The following AGBL4 variants were observed in gnomAD, a reference collection of about 807,000 sequenced individuals.
AGBL4 encodes AGBL carboxypeptidase 4.
A neutral mutation model predicts 66.4 loss-of-function variants in AGBL4; 58 were observed. That is an observed-to-expected ratio of 0.87 (90% confidence interval 0.71 to 1.09). AGBL4 has a LOEUF of 1.09. Ranked by LOEUF, AGBL4 falls within the 50% of genes least tolerant of loss-of-function variation. The pLI, the probability that AGBL4 is intolerant of heterozygous loss-of-function variation, is 0.00. For synonymous variants in AGBL4, 234 were observed against 222.9 expected, an observed-to-expected ratio of 1.05 and a Z score of -0.44; for missense variants, 579 against 631.0, an observed-to-expected ratio of 0.92 and a Z score of 0.88.
chr1:48,538,811 CAAGGTCATGGCA>C (rs1296661257), intron 12 of AGBL4, among the ~76,000 whole-genome samples: 1 of 152,202 alleles, frequency 6.6e-6, no homozygotes, highest in Non-Finnish European at 1.5e-5. Context: ...CATACATGAG[CAAGGTCATGGCA>C]AAGGTCAGTG....
intron 3 of AGBL4, chr1:49,527,585 T>C (rs571453612): frequency 6.5e-6 from 1 of 152,922 alleles, no homozygotes; most frequent in Non-Finnish European, 1.5e-5. Context: ...AGTTTTCACT[T>C]CAGTTATCAA....
chr1:49,401,505 C>T (rs531202100), intron 3 of AGBL4, among the ~76,000 whole-genome samples: 9 of 152,204 alleles, frequency 5.9e-5, no homozygotes, highest in South Asian at 4.2e-4. Flanking sequence ...TGTATACCTG[C>T]GATAATTCCT....
At chr1:49,410,737 T>C (rs1298786035) in intron 3 of AGBL4, among the ~76,000 whole-genome samples, 1 of 152,176 alleles carries the variant, frequency 6.6e-6, no homozygotes, top group Non-Finnish European at 1.5e-5. Context: ...CATTTGTCTA[T>C]GTATAAAATG....
intron 1 of AGBL4, among the ~76,000 whole-genome samples, chr1:50,010,991 T>C (rs1661488908): frequency 6.6e-6 from 1 of 152,056 alleles, no homozygotes; most frequent in East Asian, 1.9e-4. Context: ...TTAAAAAGCA[T>C]CTGCAAAGCA....
At position 49,240,753 on chromosome 1, in the gene AGBL4, C is replaced by T. The variant is rs138087447; in HGVS notation, c.377+5017G>A. Among the ~76,000 whole-genome samples, 68 of 151,966 alleles carry T rather than the reference C, an allele frequency of 4.5e-4. 1 individual carries two copies. The highest frequency in any genetic ancestry group is 1.4e-3 in the African/African-American group (60 of 41,474). ...TAGACTGATGACACCTTAATCCGTA[C>T]TTCCATATTCCTCTCTTGAGTCTCT... On this transcript the variant is annotated intron_variant, in intron 4 of 13. Coordinates refer to ENST00000371839, the MANE Select transcript of AGBL4 (RefSeq NM_032785.4).
chr1:49,822,893 G>C (rs1196091625), intron 2 of AGBL4, among the ~76,000 whole-genome samples: 1 of 152,074 alleles, frequency 6.6e-6, no homozygotes, highest in African/African-American at 2.4e-5. Context: ...GTCCATTTGT[G>C]TCCATATGAC....
chr1:49,585,654 C>T (rs1644634228), intron 3 of AGBL4, among the ~76,000 whole-genome samples: 2 of 152,100 alleles, frequency 1.3e-5, no homozygotes, highest in African/African-American at 4.8e-5. Flanking sequence ...GATGACACAG[C>T]TAAGTCATGT....
At chr1:48,967,260 C>A (rs983505923) in intron 5 of AGBL4, among the ~76,000 whole-genome samples, 3 of 110,764 alleles carry the variant, frequency 2.7e-5, no homozygotes, top group African/African-American at 9.4e-5. Context: ...AATGGGAAGT[C>A]ACCAAGACCT....
rs1421128890 is a variant in AGBL4 at position 49,150,436 on chromosome 1, A to C, written c.377+95334T>G. Among the ~76,000 whole-genome samples the C allele has an allele frequency of 2.0e-5, 3 of 152,228 alleles. No individual in the cohort carries two copies. In the East Asian group the frequency reaches 5.8e-4, roughly 29 times the overall value. On this transcript the variant is annotated intron_variant, in intron 4 of 13. Transcript: ENST00000371839. ...TCTAAAATTCTACTATGTAAATGGA[A>C]AATGCATAGAAAAAAAGACAAAGGA...
chr1:49,940,229 T>C (rs1402276278), intron 1 of AGBL4, among the ~76,000 whole-genome samples: 4 of 152,214 alleles, frequency 2.6e-5, no homozygotes, highest in Admixed American at 2.6e-4. Flanking sequence ...TGTGGAGAAA[T>C]AGGAACACTT....
At chr1:49,662,888 C>T (rs181250775) in intron 3 of AGBL4, among the ~76,000 whole-genome samples, 24 of 152,098 alleles carry the variant, frequency 1.6e-4, no homozygotes, top group Admixed American at 7.2e-4. Flanking sequence ...AGAAAAGAAC[C>T]GTGCACATCA....
At chr1:49,395,781 G>A (rs1411951953) in intron 3 of AGBL4, among the ~76,000 whole-genome samples, 12 of 129,684 alleles carry the variant, frequency 9.3e-5, no homozygotes, top group African/African-American at 1.8e-4. Context: ...ATATACATGT[G>A]TATATATGTA....
In AGBL4 at chr1:49,849,506, C is replaced by CACACAT. The variant is rs1553133768; in HGVS notation, c.157+1889_157+1890insATGTGT. 6.7e-4 allele frequency among the ~76,000 whole-genome samples: 97 copies of CACACAT among 144,886 alleles called. 6 individuals carry two copies. Among genetic ancestry groups the CACACAT allele is most frequent in the East Asian group, 3.3e-3 (16 of 4,838 alleles). On this transcript the variant is annotated intron_variant, in intron 2 of 13. Coordinates refer to ENST00000371839, the MANE Select transcript of AGBL4 (RefSeq NM_032785.4). Reference sequence around the variant, plus strand: ...ACACACACACACACACACACACACACACATACATACATTAAGATGGATAGT... The same window carrying CACACAT: ...ACACACACACACACACACACACACACACACATACATACATACATTAAGATGGATAGT...
chr1:49,404,733 T>C (rs1304431161), intron 3 of AGBL4, among the ~76,000 whole-genome samples: 1 of 152,246 alleles, frequency 6.6e-6, no homozygotes, highest in Non-Finnish European at 1.5e-5. Flanking sequence ...AATATGATTT[T>C]AATAATTTTT....
chr1:48,664,937 G>A (rs998137906), intron 6 of AGBL4, among the ~76,000 whole-genome samples: 1 of 152,222 alleles, frequency 6.6e-6, no homozygotes, highest in South Asian at 2.1e-4. Flanking sequence ...TCTGGAGGGA[G>A]AGAATAGAAA....
chr1:49,691,641 G>A (rs931256798), intron 3 of AGBL4: 2 of 152,098 alleles, frequency 1.3e-5, no homozygotes, highest in African/African-American at 4.8e-5. Flanking sequence ...TGGATTGAAG[G>A]ATACAAAATA....
chr1:49,210,206 A>G (rs1648560068), intron 4 of AGBL4, among the ~76,000 whole-genome samples: 1 of 152,078 alleles, frequency 6.6e-6, no homozygotes, highest in Non-Finnish European at 1.5e-5. Flanking sequence ...TTGTACAAAC[A>G]TGATCTCCTT....
intron 3 of AGBL4, among the ~76,000 whole-genome samples, chr1:49,634,835 A>C (rs1558120094): frequency 6.6e-6 from 1 of 152,278 alleles, no homozygotes; most frequent in East Asian, 1.9e-4. Flanking sequence ...GGTTCTAGTA[A>C]GTTAAGGCAG....
At chr1:49,194,598 GT>G (rs879796843) in intron 4 of AGBL4, among the ~76,000 whole-genome samples, 197 of 150,514 alleles carry the variant, frequency 1.3e-3, no homozygotes, top group Non-Finnish European at 2.1e-3. Context: ...TTTCTTGTTT[GT>G]TTTTTTTTCT....
Sources: gnomAD v4.1 joint callset for allele counts (sites outside exome capture counted in the v4.1 genomes callset) on GRCh38, gnomAD v4.1.1 for gene constraint, MANE v1.5 for transcripts, NCBI Gene and HGNC (gene_info 2026-07-23, HGNC 2026-07-21) for gene names.